CCDC39: variants seen among roughly 807,000 people sequenced by gnomAD.
CCDC39 encodes the protein coiled-coil domain 39 molecular ruler complex subunit, also known as coiled-coil domain-containing protein 39.
CCDC39 carries 113 observed loss-of-function variants against 121.0 expected under a neutral mutation model. The observed-to-expected ratio is 0.93, with a 90% confidence interval of 0.80 to 1.09. The LOEUF is 1.09. Ranked by LOEUF, CCDC39 falls within the 50% of genes least tolerant of loss-of-function variation. The pLI, the probability that CCDC39 is intolerant of heterozygous loss-of-function variation, is 0.00. For missense variants in CCDC39, 1,063 were observed against 1,074.7 expected (o/e 0.99, Z 0.15); for synonymous variants, 349 against 352.2 (o/e 0.99, Z 0.10).
Position 180,659,462 on chromosome 3 carries a change from T to G in CCDC39, c.728A>C (p.Asn243Thr), listed in dbSNP as rs1233746444. The change falls in exon 6 of 20, where the codon AAC (asparagine) becomes ACC (threonine). Residue 243 changes from asparagine (N) to threonine (T), a missense_variant. Asn to Thr is a moderately conservative substitution (Grantham distance 65, BLOSUM62 0). Coordinates refer to ENST00000476379, the MANE Select transcript of CCDC39 (RefSeq NM_181426.2). Reference protein sequence around the residue: ...QMQKRDGDIDNCALELARIKQ... With the variant: ...QMQKRDGDIDTCALELARIKQ... ...AAACAACTACTTTACCAAAGCACAG[T>G]TATCTATGTCTCCATCCCTCTTCTG... 6.2e-7 allele frequency: 1 copy of G among 1,613,442 alleles called. No homozygotes were observed.
rs141531732 is a variant in CCDC39 at position 180,658,263 on chromosome 3, T to C, written c.738+1189A>G. 1.8e-3 allele frequency among the ~76,000 whole-genome samples: 257 copies of C among 141,726 alleles called. 2 individuals carry two copies. The highest frequency in any genetic ancestry group is 6.3e-3 in the African/African-American group (238 of 37,794). The allele number at this position is 141,726 out of a possible 152,430, so 93.0% of individuals were successfully genotyped here. On this transcript the variant is annotated intron_variant, in intron 6 of 19. Transcript: ENST00000476379. Reference sequence around the variant, plus strand: ...TCAAAAAAAAAAGGTAGTATCAGCATTAATTAAAAGAACCTCCTTAAAAAA... The same window carrying C: ...TCAAAAAAAAAAGGTAGTATCAGCACTAATTAAAAGAACCTCCTTAAAAAA...
At chr3:180,616,743 T>A (rs752498554) in intron 17 of CCDC39, 48 bp from the exon 18 acceptor site, 3 of 1,568,102 alleles carry the variant, frequency 1.9e-6, no homozygotes, top group Non-Finnish European at 1.7e-6. Context: ...TTTACCAGAA[T>A]TTAATATTTT....
At chr3:180,625,059 C>A (rs1009050365) in intron 14 of CCDC39, among the ~76,000 whole-genome samples, 1 of 152,008 alleles carries the variant, frequency 6.6e-6, no homozygotes, top group Non-Finnish European at 1.5e-5. Context: ...TGTGTCTCGG[C>A]GTCTAACTCT....
chr3:180,650,678 G>A (rs1043937078), intron 9 of CCDC39, among the ~76,000 whole-genome samples: 3 of 151,814 alleles, frequency 2.0e-5, no homozygotes, highest in Non-Finnish European at 4.4e-5. Flanking sequence ...CCAACATGGT[G>A]AAACCCCATC....
At position 180,647,169 on chromosome 3, in the gene CCDC39, C is replaced by A. The variant is rs1429796397; in HGVS notation, c.1437G>T (p.Ala479=). 1.2e-6 allele frequency: 2 copies of A among 1,611,400 alleles called. No homozygotes were observed. The highest frequency in any genetic ancestry group is 1.1e-5 in the South Asian group (1 of 90,642). Residue 479 remains alanine, a synonymous_variant, in exon 11 of 20, where the codon GCG becomes GCT. Transcript: ENST00000476379. ...KGEINSEEKQ[A]LEAKIVELRK... ...TAAGTTCAACAATTTTTGCTTCAAG[C>A]GCTTGTTTTTCTTCTGAATTAATTT...
chr3:180,626,286 G>A (rs540230468), intron 14 of CCDC39, among the ~76,000 whole-genome samples: 1 of 152,264 alleles, frequency 6.6e-6, no homozygotes, highest in East Asian at 1.9e-4. Context: ...CCCCTGGATG[G>A]CATACTTGAG....
intron 9 of CCDC39, among the ~76,000 whole-genome samples, chr3:180,650,516 T>C (rs1246952590): frequency 6.6e-6 from 1 of 152,106 alleles, no homozygotes; most frequent in African/African-American, 2.4e-5. Context: ...ATAGGTACAG[T>C]AGGCTTTGGG....
At chr3:180,627,176 T>A (rs886908606) in intron 14 of CCDC39, among the ~76,000 whole-genome samples, 10 of 152,210 alleles carry the variant, frequency 6.6e-5, no homozygotes, top group Non-Finnish European at 1.2e-4. Flanking sequence ...ATTAGTAATA[T>A]TTCCATTCTT....
rs549180411 is a variant in CCDC39 at position 180,651,804 on chromosome 3, A to G, written c.1035-271T>C. Among the ~76,000 whole-genome samples the G allele has an allele frequency of 4.5e-4, 69 of 152,246 alleles. No individual in the cohort carries two copies. In the South Asian group the frequency reaches 4.6e-3, roughly 10 times the overall value. On this transcript the variant is annotated intron_variant, in intron 8 of 19. Coordinates refer to ENST00000476379, the MANE Select transcript of CCDC39 (RefSeq NM_181426.2). ...TGTAATCCCAGCACTTTGGGAGGCC[A>G]AGGCGGGCAGATCACGAGGTCAGGA... is the stretch of plus-strand genomic sequence containing the variant.
At chr3:180,633,721 A>C (rs1466725535) in intron 13 of CCDC39, among the ~76,000 whole-genome samples, 1 of 152,188 alleles carries the variant, frequency 6.6e-6, no homozygotes, top group Non-Finnish European at 1.5e-5. Flanking sequence ...GTAAGAAAAA[A>C]ATTAAATAGA....
In CCDC39 at chr3:180,616,395, C is replaced by T. The variant is rs763570030; in HGVS notation, c.2587-32G>A. On this transcript the variant is annotated intron_variant, in intron 18 of 19. Transcript: ENST00000476379. ...GAATATTCAATAGCAATCATTAGTA[C>T]TACCTACTGTTTTTTAGAAGATAAA... 8.3e-6 allele frequency: 13 copies of T among 1,566,562 alleles called. 1 individual carries two copies. In the African/African-American group the frequency reaches 1.4e-4, roughly 16 times the overall value.
intron 1 of CCDC39, among the ~76,000 whole-genome samples, chr3:180,676,741 CA>C (rs1712219221): frequency 6.6e-6 from 1 of 152,080 alleles, no homozygotes; most frequent in Non-Finnish European, 1.5e-5. Flanking sequence ...GGAACCAACC[CA>C]AATGTCCAAC....
chr3:180,642,866 A>C (rs1422200097), intron 12 of CCDC39, among the ~76,000 whole-genome samples: 1 of 152,120 alleles, frequency 6.6e-6, no homozygotes, highest in African/African-American at 2.4e-5. Context: ...AAAAACTAAG[A>C]GATTTGATGT....
At chr3:180,617,151 T>C (rs1170849738) in intron 16 of CCDC39, among the ~76,000 whole-genome samples, 185 bp from the exon 17 acceptor site, 1 of 152,154 alleles carries the variant, frequency 6.6e-6, no homozygotes, top group Non-Finnish European at 1.5e-5. Context: ...GGTGGTCCCA[T>C]AGGATTATAA....
At chr3:180,620,984 T>C (rs1271860126) in intron 14 of CCDC39, among the ~76,000 whole-genome samples, 1 of 152,160 alleles carries the variant, frequency 6.6e-6, no homozygotes, top group East Asian at 1.9e-4. Context: ...GTACGCGTTA[T>C]TTAGCTCCCA....
intron 13 of CCDC39, 115 bp from the exon 14 acceptor site, chr3:180,631,707 G>A (rs1385073697): frequency 1.2e-6 from 1 of 808,258 alleles, no homozygotes; most frequent in Admixed American, 3.0e-5. Flanking sequence ...ACTCAAACAG[G>A]TTAAATTTGT....
chr3:180,660,817 G>T lies in CCDC39; in HGVS notation c.358-89C>A, dbSNP rs756256086. 4 of 1,160,266 alleles carry T rather than the reference G, an allele frequency of 3.4e-6. 1 individual carries two copies. Among genetic ancestry groups the T allele is most frequent in the Non-Finnish European group, 4.7e-6 (4 of 848,876 alleles). 71.9% of individuals were successfully genotyped at this position (1,160,266 alleles called of 1,614,324 possible). On this transcript the variant is annotated intron_variant, in intron 3 of 19. Coordinates refer to ENST00000476379, the MANE Select transcript of CCDC39 (RefSeq NM_181426.2). ...ATAAAACATACCTTTATATACTATG[G>T]AGCAAAATTAAAAATGAGGAAATCC...
intron 14 of CCDC39, among the ~76,000 whole-genome samples, chr3:180,628,256 G>A (rs376474578): frequency 3.3e-5 from 5 of 152,218 alleles, no homozygotes; most frequent in African/African-American, 1.2e-4. Context: ...TGTCGCCCAG[G>A]CTAGAGTGCA....
chr3:180,629,901 T>C (rs1717654779), intron 14 of CCDC39, among the ~76,000 whole-genome samples: 1 of 152,220 alleles, frequency 6.6e-6, no homozygotes, highest in African/African-American at 2.4e-5. Context: ...TTGTCTGTGT[T>C]CCTGTGAGTT....
Sources: gnomAD v4.1 joint callset for allele counts (sites outside exome capture counted in the v4.1 genomes callset) on GRCh38, gnomAD v4.1.1 for gene constraint, MANE v1.5 for transcripts, NCBI Gene and HGNC (gene_info 2026-07-23, HGNC 2026-07-21) for gene names.